The following PRKAA1 variants were observed in gnomAD, a reference collection of about 807,000 sequenced individuals.
PRKAA1 encodes 5'-AMP-activated protein kinase catalytic subunit alpha-1.
PRKAA1 carries 23 observed loss-of-function variants against 56.9 expected under a neutral mutation model. That is an observed-to-expected ratio of 0.40 (90% CI 0.29 to 0.57). The LOEUF is 0.57. Ranked by LOEUF, PRKAA1 falls within the 20% of genes least tolerant of loss-of-function variation. The pLI is 0.39. For synonymous variants in PRKAA1, 226 were observed against 227.0 expected (o/e 1.00, Z 0.04); for missense variants, 413 against 679.7 (o/e 0.61, Z 4.36).
intron 5 of PRKAA1, 68 bp downstream of exon 5, chr5:40,769,348 G>T (rs1257386737): frequency 1.3e-5 from 16 of 1,246,402 alleles, no homozygotes; most frequent in Non-Finnish European, 1.6e-5. Context: ...TGACACTATA[G>T]ACTAACAAAA....
intron 4 of PRKAA1, among the ~76,000 whole-genome samples, chr5:40,770,828 T>C (rs1216713895): frequency 6.6e-6 from 1 of 151,750 alleles, no homozygotes. Flanking sequence ...TGACCTCAGG[T>C]GATCCGCCCG....
intron 1 of PRKAA1, among the ~76,000 whole-genome samples, chr5:40,787,440 C>T (rs1037615437): frequency 2.6e-5 from 4 of 151,044 alleles, no homozygotes; most frequent in African/African-American, 7.3e-5. Context: ...ACTCCAGTCC[C>T]GGCAACAAGA....
At chr5:40,779,406 T>C (rs1480351197) in intron 1 of PRKAA1, among the ~76,000 whole-genome samples, 5 of 152,158 alleles carry the variant, frequency 3.3e-5, no homozygotes, top group African/African-American at 4.8e-5. Flanking sequence ...AAAGATTTAT[T>C]TGAGAAACAT....
intron 1 of PRKAA1, 73 bp downstream of exon 1, chr5:40,797,990 A>G: frequency 6.4e-7 from 1 of 1,552,762 alleles, no homozygotes; most frequent in South Asian, 1.1e-5. Flanking sequence ...GCGGGGGAGG[A>G]TGAAGAGGTG....
Position 40,776,750 on chromosome 5 carries a change from G to A in PRKAA1, c.269+695C>T, listed in dbSNP as rs188756785. Among the ~76,000 whole-genome samples, 5 of 152,320 alleles carry A rather than the reference G, an allele frequency of 3.3e-5. No individual in the cohort carries two copies. In the East Asian group the frequency reaches 9.6e-4, roughly 29 times the overall value. On this transcript the variant is annotated intron_variant, in intron 2 of 8. Coordinates refer to ENST00000397128, the MANE Select transcript of PRKAA1 (RefSeq NM_006251.6). ...TTGTTATCTATATGTTCAGGTATAA[G>A]CAGGATGGGGAAAAACCCTTTCTAC...
intron 2 of PRKAA1, chr5:40,777,008 G>A (rs1744036200): frequency 1.3e-5 from 2 of 154,332 alleles, no homozygotes. Flanking sequence ...ACATGAATGG[G>A]AAGAAACTTT....
chr5:40,768,233 T>C (rs1302271290), intron 5 of PRKAA1, among the ~76,000 whole-genome samples: 1 of 152,210 alleles, frequency 6.6e-6, no homozygotes, highest in African/African-American at 2.4e-5. Context: ...AAAGCCTGGA[T>C]TCAGGAAAAG....
intron 4 of PRKAA1, 44 bp from the exon 5 acceptor site, chr5:40,769,547 C>T (rs772468995): frequency 3.4e-5 from 49 of 1,428,944 alleles, no homozygotes; most frequent in Non-Finnish European, 4.6e-5. Context: ...TTCCCAAAGA[C>T]AAAAATTAAA....
chr5:40,775,102 C>T, intron 3 of PRKAA1: 1 of 768,988 alleles, frequency 1.3e-6, no homozygotes, highest in Non-Finnish European at 2.1e-6. Context: ...TATTTGTATA[C>T]CCTGGAAGCA....
Position 40,767,629 on chromosome 5 carries a change from A to G in PRKAA1, c.658T>C (p.Cys220Arg), listed in dbSNP as rs1743525329. ...SSGVILYALLCGTLPFDDDHV... is the reference protein window; with the variant it reads ...SSGVILYALLRGTLPFDDDHV... ...TCATCATCAAATGGAAGGGTTCCACATAATAAAGCATAGAGAATAACCCCA... is the reference window on the plus strand; with the variant it reads ...TCATCATCAAATGGAAGGGTTCCACGTAATAAAGCATAGAGAATAACCCCA... Residue 220 changes from cysteine to arginine, a missense_variant, in exon 6 of 9, where the codon TGT (cysteine) becomes CGT (arginine). Transcript: ENST00000397128. The G allele has an allele frequency of 6.2e-7, 1 of 1,613,874 alleles. No individual in the cohort carries two copies. Among genetic ancestry groups the G allele is most frequent in the South Asian group, 1.1e-5 (1 of 91,080 alleles).
chr5:40,771,364 A>G (rs985240453), intron 4 of PRKAA1, among the ~76,000 whole-genome samples: 1 of 152,172 alleles, frequency 6.6e-6, no homozygotes, highest in Non-Finnish European at 1.5e-5. Flanking sequence ...ACAGCCTGGC[A>G]TGGTAGTGCA....
intron 1 of PRKAA1, among the ~76,000 whole-genome samples, chr5:40,781,093 A>G (rs1423540943): frequency 2.6e-5 from 4 of 152,180 alleles, no homozygotes; most frequent in Non-Finnish European, 5.9e-5. Flanking sequence ...AATGTGCACT[A>G]ATTTCTACCC....
At position 40,762,927 on chromosome 5, in the gene PRKAA1, C is replaced by T. The variant is rs373650446; in HGVS notation, c.1531G>A (p.Glu511Lys). 2 of 1,614,028 alleles carry T rather than the reference C, an allele frequency of 1.2e-6. No individual in the cohort carries two copies. The highest frequency in any genetic ancestry group is 2.7e-5 in the African/African-American group (2 of 74,912). ...RSCQRSDSDA[E>K]AQGKSSEVSL... ...ACTTCTGAGGATTTTCCTTGAGCCT[C>T]AGCATCTGAATCACTCCTTTGGCAA... is the stretch of plus-strand genomic sequence containing the variant. The change falls in exon 9 of 9, where the codon GAG becomes AAG. Residue 511 changes from glutamate (E) to lysine (K), a missense_variant. Transcript: ENST00000397128.
At chr5:40,767,345 T>C (rs1475929102) in intron 6 of PRKAA1, 121 bp downstream of exon 6, 8 of 762,986 alleles carry the variant, frequency 1.0e-5, no homozygotes, top group Admixed American at 2.9e-5. Context: ...GTCTATACAC[T>C]CTATTTTTTT....
In PRKAA1 at chr5:40,777,837, C is replaced by T. The variant is rs528039635; in HGVS notation, c.128-251G>A. On this transcript the variant is annotated intron_variant, in intron 1 of 8. Coordinates refer to ENST00000397128, the MANE Select transcript of PRKAA1 (RefSeq NM_006251.6). ...CCTGTAATCCCAGCACTTTGGGAGG[C>T]CGAGGCGGGCAGATCACCTGAGATC... Among the ~76,000 whole-genome samples, 292 of 152,116 alleles carry T rather than the reference C, an allele frequency of 1.9e-3. 1 individual carries two copies. The highest frequency in any genetic ancestry group is 6.6e-3 in the African/African-American group (274 of 41,506).
chr5:40,767,560 A>G lies in PRKAA1; in HGVS notation c.727T>C (p.Tyr243His), dbSNP rs770875277. Residue 243 changes from tyrosine (Y) to histidine (H), a missense_variant, in exon 6 of 9, where the codon TAT becomes CAT. Coordinates refer to ENST00000397128, the MANE Select transcript of PRKAA1 (RefSeq NM_006251.6). ...LFKKICDGIF[Y>H]TPQYLNPSVI... ...GAAGGATTTAAATATTGAGGGGTAT[A>G]GAAGATCCCATCACATATCTTCTTA... 1 of 1,613,626 alleles carries G rather than the reference A, an allele frequency of 6.2e-7. No homozygotes were observed. The highest frequency in any genetic ancestry group is 1.1e-5 in the South Asian group (1 of 91,078).
At chr5:40,768,537 A>C in intron 5 of PRKAA1, 1 of 980,936 alleles carries the variant, frequency 1.0e-6, no homozygotes, top group Non-Finnish European at 1.2e-6. Context: ...AATATTTAAA[A>C]AAAAGATGAA....
intron 3 of PRKAA1, among the ~76,000 whole-genome samples, chr5:40,774,599 G>C (rs1743908777): frequency 6.8e-6 from 1 of 146,290 alleles, no homozygotes; most frequent in Non-Finnish European, 1.5e-5. Flanking sequence ...GTAAAGGGGA[G>C]TACCTGAAAT....
chr5:40,776,688 G>A (rs1744018774), intron 2 of PRKAA1, among the ~76,000 whole-genome samples: 1 of 152,216 alleles, frequency 6.6e-6, no homozygotes, highest in Non-Finnish European at 1.5e-5. Context: ...ACAACAGTAA[G>A]ATTACTGCCC....
Sources: allele counts gnomAD v4.1 joint callset (sites outside exome capture counted in the v4.1 genomes callset), GRCh38; gene constraint gnomAD v4.1.1; transcripts MANE v1.5; gene names NCBI Gene and HGNC (gene_info 2026-07-23, HGNC 2026-07-21).